The following HDAC9 variants were observed in gnomAD, a reference collection of about 807,000 sequenced individuals.
HDAC9 encodes histone deacetylase 9.
A neutral mutation model predicts 139.4 loss-of-function variants in HDAC9; 41 were observed. The ratio of observed to expected loss-of-function variants is 0.29; its 90% CI spans 0.23 to 0.38. HDAC9 has a LOEUF of 0.38. HDAC9 is among the 10% of genes least tolerant of loss of function. The pLI, the probability that HDAC9 is intolerant of heterozygous loss-of-function variation, is 1.00. For synonymous variants in HDAC9, 517 were observed against 476.2 expected, an observed-to-expected ratio of 1.09 and a Z score of -1.12; for missense variants, 1,147 against 1,297.0, an observed-to-expected ratio of 0.88 and a Z score of 1.78.
At chr7:18,125,833 G>A (rs968119222) in intron 1 of HDAC9, among the ~76,000 whole-genome samples, 1 of 151,896 alleles carries the variant, frequency 6.6e-6, no homozygotes, top group Non-Finnish European at 1.5e-5. Flanking sequence ...ATTTTCATGT[G>A]TCATAAAATA....
At chr7:18,212,817 C>G (rs943812202) in intron 2 of HDAC9, among the ~76,000 whole-genome samples, 2 of 152,170 alleles carry the variant, frequency 1.3e-5, no homozygotes, top group African/African-American at 2.4e-5. Flanking sequence ...TAAACCTTTT[C>G]CTAATCAAAG....
At chr7:18,335,078 G>C (rs2128652930) in intron 1 of HDAC9, among the ~76,000 whole-genome samples, 1 of 151,554 alleles carries the variant, frequency 6.6e-6, no homozygotes, top group Non-Finnish European at 1.5e-5. Flanking sequence ...ATGGGAAGCT[G>C]GGAGTGAGGG....
intron 1 of HDAC9, among the ~76,000 whole-genome samples, chr7:18,144,845 C>G (rs976343352): frequency 6.6e-6 from 1 of 152,156 alleles, no homozygotes; most frequent in Non-Finnish European, 1.5e-5. Flanking sequence ...TTCCCTGTAC[C>G]TTTTCTTCTA....
chr7:18,873,138 G>C (rs1799059102), intron 21 of HDAC9, among the ~76,000 whole-genome samples: 1 of 151,934 alleles, frequency 6.6e-6, no homozygotes. Flanking sequence ...TGTAATTACT[G>C]GGATGGGGAA....
chr7:18,803,922 G>A (rs1239194087), intron 17 of HDAC9, among the ~76,000 whole-genome samples: 3 of 152,158 alleles, frequency 2.0e-5, no homozygotes, highest in Non-Finnish European at 2.9e-5. Flanking sequence ...CATGTTTCAA[G>A]TACCTATCAT....
intron 2 of HDAC9, among the ~76,000 whole-genome samples, chr7:18,223,783 A>G (rs879896992): frequency 4.6e-5 from 7 of 152,128 alleles, no homozygotes; most frequent in Non-Finnish European, 8.8e-5. Flanking sequence ...CTTTGTCAGT[A>G]AAACATTCTT....
intron 2 of HDAC9, chr7:18,502,712 C>G (rs953199873): frequency 6.6e-6 from 1 of 151,946 alleles, no homozygotes; most frequent in African/African-American, 2.4e-5. Context: ...TTAGTACTGT[C>G]TATTGTTAGA....
intron 1 of HDAC9, among the ~76,000 whole-genome samples, chr7:18,466,743 A>G (rs942310060): frequency 3.3e-5 from 5 of 152,216 alleles, no homozygotes; most frequent in East Asian, 3.9e-4. Context: ...CATGTAGTGT[A>G]ACACATTCAA....
intron 25 of HDAC9, among the ~76,000 whole-genome samples, chr7:18,987,898 G>A (rs1442082303): frequency 6.6e-6 from 1 of 152,134 alleles, no homozygotes; most frequent in Non-Finnish European, 1.5e-5. Context: ...GTATTTCTGT[G>A]GGATCGGTGG....
At chr7:18,695,900 T>G (rs1425899920) in intron 12 of HDAC9, among the ~76,000 whole-genome samples, 1 of 152,242 alleles carries the variant, frequency 6.6e-6, no homozygotes, top group African/African-American at 2.4e-5. Context: ...CACGTTTTTA[T>G]TTATTTTCTG....
chr7:18,322,302 G>T (rs557256108), intron 1 of HDAC9, among the ~76,000 whole-genome samples: 1 of 152,264 alleles, frequency 6.6e-6, no homozygotes, highest in South Asian at 2.1e-4. Context: ...CAAACTTTGG[G>T]CATAAGAGAA....
At chr7:18,925,979 A>G (rs1369881394) in intron 22 of HDAC9, among the ~76,000 whole-genome samples, 1 of 152,092 alleles carries the variant, frequency 6.6e-6, no homozygotes, top group Non-Finnish European at 1.5e-5. Flanking sequence ...CCACTTCTTA[A>G]AACGATAGAA....
At chr7:18,841,553 C>T (rs929204885) in intron 21 of HDAC9, among the ~76,000 whole-genome samples, 4 of 152,196 alleles carry the variant, frequency 2.6e-5, no homozygotes, top group African/African-American at 9.6e-5. Context: ...TGATGTCACA[C>T]AGCTGGTATA....
intron 2 of HDAC9, among the ~76,000 whole-genome samples, chr7:18,212,563 C>T (rs981270321): frequency 3.9e-5 from 6 of 152,148 alleles, no homozygotes; most frequent in African/African-American, 1.4e-4. Context: ...TTTGTTTACT[C>T]ATCTGTAAAA....
intron 19 of HDAC9, among the ~76,000 whole-genome samples, chr7:18,835,225 C>CGCTAAAAA (rs1796148579): frequency 1.3e-5 from 2 of 151,958 alleles, no homozygotes; most frequent in Admixed American, 1.3e-4. Context: ...GCTGTGGTTT[C>CGCTAAAAA]CTGATTTTTA....
intron 21 of HDAC9, among the ~76,000 whole-genome samples, chr7:18,846,009 T>C (rs1796880666): frequency 6.6e-6 from 1 of 152,150 alleles, no homozygotes; most frequent in African/African-American, 2.4e-5. Flanking sequence ...TCCTGGGGTG[T>C]GTACCAAGCC....
chr7:18,732,422 A>G (rs562796742), intron 13 of HDAC9, among the ~76,000 whole-genome samples: 66 of 149,336 alleles, frequency 4.4e-4, no homozygotes, highest in Non-Finnish European at 7.4e-4. Flanking sequence ...ATCTATGTGC[A>G]TGTGTGTATG....
intron 2 of HDAC9, among the ~76,000 whole-genome samples, chr7:18,203,704 T>A (rs1204613611): frequency 6.6e-6 from 1 of 152,152 alleles, no homozygotes; most frequent in Non-Finnish European, 1.5e-5. Flanking sequence ...GTTGAATGCC[T>A]AAAAAAATGT....
chr7:18,440,958 C>G (rs923754344), intron 1 of HDAC9, among the ~76,000 whole-genome samples: 3 of 152,162 alleles, frequency 2.0e-5, no homozygotes, highest in African/African-American at 4.8e-5. Context: ...ATGATATTAA[C>G]TGCTTTAATT....
Sources: gnomAD v4.1 joint callset for allele counts (sites outside exome capture counted in the v4.1 genomes callset) on GRCh38, gnomAD v4.1.1 for gene constraint, MANE v1.5 for transcripts, NCBI Gene and HGNC (gene_info 2026-07-23, HGNC 2026-07-21) for gene names.